The following NUDCD3 variants were observed in gnomAD, a reference collection of about 807,000 sequenced individuals.
The protein encoded by NUDCD3 is nudC domain-containing protein 3.
Under a neutral mutation model 39.7 loss-of-function variants are expected in NUDCD3, and 13 were observed. The ratio of observed to expected loss-of-function variants is 0.33; its 90% confidence interval spans 0.21 to 0.52. The LOEUF (loss-of-function observed/expected upper bound fraction) is 0.52. Ranked by LOEUF, NUDCD3 falls within the 20% of genes least tolerant of loss-of-function variation. The pLI, the probability that NUDCD3 is intolerant of heterozygous loss-of-function variation, is 0.96. For synonymous variants in NUDCD3, 175 were observed against 172.4 expected (o/e 1.02, Z -0.12); for missense variants, 453 against 458.1 (o/e 0.99, Z 0.10).
At chr7:44,453,744 T>C (rs117245526) in intron 2 of NUDCD3, among the ~76,000 whole-genome samples, 1,653 of 152,250 alleles carry the variant, frequency 0.011, 10 homozygotes, top group Non-Finnish European at 0.019. Flanking sequence ...CATCTTTAAA[T>C]GTAAATAATA....
intron 4 of NUDCD3, among the ~76,000 whole-genome samples, chr7:44,401,183 A>G (rs1798717883): frequency 6.6e-6 from 1 of 152,210 alleles, no homozygotes; most frequent in Non-Finnish European, 1.5e-5. Context: ...CCCTCTCTGC[A>G]TCCACACGCT....
chr7:44,477,077 C>T (rs1800386975), intron 2 of NUDCD3, among the ~76,000 whole-genome samples: 1 of 152,180 alleles, frequency 6.6e-6, no homozygotes, highest in Admixed American at 6.5e-5. Context: ...AAAGGCCACA[C>T]TACCCAAAGC....
intron 2 of NUDCD3, among the ~76,000 whole-genome samples, chr7:44,440,968 G>A (rs1236960648): frequency 6.6e-6 from 1 of 152,168 alleles, no homozygotes; most frequent in East Asian, 1.9e-4. Flanking sequence ...TTCAACTCAA[G>A]ATGACAGTAT....
At chr7:44,450,834 G>T (rs766446235) in intron 2 of NUDCD3, among the ~76,000 whole-genome samples, 1 of 151,954 alleles carries the variant, frequency 6.6e-6, no homozygotes. Flanking sequence ...TACACAAATG[G>T]TCATAGCACA....
chr7:44,487,702 A>G (rs916580092), intron 1 of NUDCD3, among the ~76,000 whole-genome samples: 1 of 152,182 alleles, frequency 6.6e-6, no homozygotes, highest in African/African-American at 2.4e-5. Context: ...CTGTAATCCC[A>G]GCACTTTGGG....
chr7:44,446,344 C>A (rs906242443), intron 2 of NUDCD3, among the ~76,000 whole-genome samples: 15 of 152,198 alleles, frequency 9.9e-5, no homozygotes, highest in African/African-American at 3.1e-4. Flanking sequence ...CAATCAGTGA[C>A]AAAGCATCAT....
At chr7:44,423,526 T>G (rs1333809613) in intron 3 of NUDCD3, among the ~76,000 whole-genome samples, 1 of 151,976 alleles carries the variant, frequency 6.6e-6, no homozygotes, top group Non-Finnish European at 1.5e-5. Flanking sequence ...AAGTCATGAG[T>G]GAACTCCCAT....
rs748681908 is a variant in NUDCD3 at position 44,485,046 on chromosome 7, T to C, written c.431A>G (p.His144Arg). 6.2e-7 allele frequency: 1 copy of C among 1,614,176 alleles called. No individual in the cohort carries two copies. The highest frequency in any genetic ancestry group is 1.1e-5 in the South Asian group (1 of 91,082). ...TGGAGCTTCTGCCTCCTGTGAACCA[T>C]GGGCCATTTCCTTCACAGGGCCTGG... Reference protein sequence around the residue: ...QPPGPVKEMAHGSQEAEAPGA... With the variant: ...QPPGPVKEMARGSQEAEAPGA... Residue 144 changes from histidine to arginine, a missense_variant, in exon 2 of 6, where the codon CAT becomes CGT. His to Arg is a conservative substitution (Grantham distance 29). Transcript: ENST00000355451.
chr7:44,424,439 A>T (rs1354366446), intron 3 of NUDCD3, among the ~76,000 whole-genome samples: 1 of 152,136 alleles, frequency 6.6e-6, no homozygotes, highest in African/African-American at 2.4e-5. Flanking sequence ...ACTTAAACAA[A>T]TTTACAAGAA....
intron 2 of NUDCD3, among the ~76,000 whole-genome samples, chr7:44,454,165 CTG>C (rs1799847635): frequency 6.6e-6 from 1 of 152,096 alleles, no homozygotes; most frequent in Non-Finnish European, 1.5e-5. Context: ...CGGTGAAACG[CTG>C]TCTCTACTAA....
chr7:44,406,747 C>A (rs568233595), intron 3 of NUDCD3, among the ~76,000 whole-genome samples: 1 of 152,166 alleles, frequency 6.6e-6, no homozygotes, highest in East Asian at 1.9e-4. Context: ...GCATAATAGG[C>A]ATGAAGAGAA....
intron 3 of NUDCD3, among the ~76,000 whole-genome samples, chr7:44,415,751 C>G (rs1469686138): frequency 6.6e-6 from 1 of 152,236 alleles, no homozygotes; most frequent in East Asian, 1.9e-4. Context: ...CCAACACAAA[C>G]ACTGGGCTGC....
At chr7:44,459,326 A>G (rs1249036055) in intron 2 of NUDCD3, among the ~76,000 whole-genome samples, 1 of 151,860 alleles carries the variant, frequency 6.6e-6, no homozygotes, top group African/African-American at 2.4e-5. Context: ...GGCCCCCTGA[A>G]TAGCTGGGAC....
chr7:44,421,487 C>A (rs1029800485), intron 3 of NUDCD3, among the ~76,000 whole-genome samples: 756 of 111,026 alleles, frequency 6.8e-3, no homozygotes, highest in African/African-American at 7.0e-3. Context: ...AAATGGAAAG[C>A]AAAAAAAAAA....
At chr7:44,463,544 C>T (rs1782354671) in intron 2 of NUDCD3, among the ~76,000 whole-genome samples, 1 of 152,084 alleles carries the variant, frequency 6.6e-6, no homozygotes, top group African/African-American at 2.4e-5. Flanking sequence ...AAATTCTACA[C>T]CTAAAGAAGT....
chr7:44,395,333 T>C (rs1798604142), intron 4 of NUDCD3, among the ~76,000 whole-genome samples: 1 of 152,234 alleles, frequency 6.6e-6, no homozygotes, highest in African/African-American at 2.4e-5. Context: ...GTCACGCATG[T>C]GCATCAGTGT....
At chr7:44,386,208 C>G (rs1023680811) in intron 5 of NUDCD3, 87 bp from the exon 6 acceptor site, 76 of 1,428,198 alleles carry the variant, frequency 5.3e-5, no homozygotes, top group Non-Finnish European at 7.2e-5. Flanking sequence ...AGGTAGAGAG[C>G]CTTCTTGCTT....
intron 3 of NUDCD3, among the ~76,000 whole-genome samples, chr7:44,410,635 G>C (rs1204160387): frequency 6.7e-6 from 1 of 149,662 alleles, no homozygotes; most frequent in Non-Finnish European, 1.5e-5. Flanking sequence ...CTGCACTCCA[G>C]CCTGGGGGAC....
chr7:44,426,282 G>A (rs952681881), intron 3 of NUDCD3: 4 of 385,682 alleles, frequency 1.0e-5, no homozygotes, highest in African/African-American at 6.6e-5. Context: ...AAAGAAACCT[G>A]GGGAAAGGAG....
Sources: allele counts gnomAD v4.1 joint callset (sites outside exome capture counted in the v4.1 genomes callset), GRCh38; gene constraint gnomAD v4.1.1; transcripts MANE v1.5; gene names NCBI Gene and HGNC (gene_info 2026-07-23, HGNC 2026-07-21).